Variants in TANGO6 observed in about 807,000 individuals in gnomAD.
TANGO6 encodes transport and Golgi organization protein 6 homolog.
TANGO6 carries 90 observed loss-of-function variants against 114.2 expected under a neutral mutation model. The ratio of observed to expected loss-of-function variants is 0.79; its 90% CI spans 0.66 to 0.94. The LOEUF is 0.94. TANGO6 is among the 40% of genes least tolerant of loss of function. TANGO6 has a pLI of 0.00. For missense variants in TANGO6, 1,274 were observed against 1,315.3 expected, an observed-to-expected ratio of 0.97 and a Z score of 0.49; for synonymous variants, 477 against 509.8, an observed-to-expected ratio of 0.94 and a Z score of 0.87.
intron 11 of TANGO6, among the ~76,000 whole-genome samples, chr16:68,910,493 T>G (rs1271392093): frequency 6.6e-6 from 1 of 152,176 alleles, no homozygotes; most frequent in African/African-American, 2.4e-5. Flanking sequence ...ACTTGAGCTT[T>G]TGCACTTAGC....
intron 15 of TANGO6, among the ~76,000 whole-genome samples, chr16:69,012,140 A>T (rs1287171971): frequency 6.6e-6 from 1 of 152,194 alleles, no homozygotes; most frequent in East Asian, 1.9e-4. Flanking sequence ...TGTCATTACC[A>T]TTGCACAAAG....
rs966454477 is a variant in TANGO6 at position 68,930,251 on chromosome 16, A to G, written c.2657A>G (p.Asn886Ser). The G allele has an allele frequency of 6.4e-7, 1 of 1,554,028 alleles. No homozygotes were observed. The highest frequency in any genetic ancestry group is 8.7e-7 in the Non-Finnish European group (1 of 1,147,724). Reference protein sequence around the residue: ...QEKLLKIFLENLEHEDTFVYL... With the variant: ...QEKLLKIFLESLEHEDTFVYL... ...TTGTGGTTCCAGATATTCTTGGAAA[A>G]CTTGGAACATGAAGACACTTTTGTA... The change falls in exon 14 of 18, where the codon AAC (asparagine) becomes AGC (serine). Residue 886 changes from asparagine to serine, a missense_variant. Asn to Ser is a conservative substitution (Grantham distance 46, BLOSUM62 1). This residue lies in a region of TANGO6 where 10 missense variants were observed against 29.9 expected (regional missense o/e 0.33). Transcript: ENST00000261778.
chr16:68,968,998 C>T (rs981416862), intron 14 of TANGO6, among the ~76,000 whole-genome samples: 2 of 152,136 alleles, frequency 1.3e-5, no homozygotes, highest in Non-Finnish European at 2.9e-5. Flanking sequence ...TACGTTAATT[C>T]ACCAATATTC....
chr16:69,078,126 C>T (rs1437585041), intron 17 of TANGO6, among the ~76,000 whole-genome samples: 1 of 152,052 alleles, frequency 6.6e-6, no homozygotes, highest in Non-Finnish European at 1.5e-5. Context: ...TAATAGCCTC[C>T]CAGGCTGAGG....
intron 14 of TANGO6, among the ~76,000 whole-genome samples, chr16:68,931,247 AT>A (rs914844060): frequency 1.8e-4 from 27 of 152,198 alleles, no homozygotes; most frequent in African/African-American, 6.3e-4. Flanking sequence ...GCGTTGGCAA[AT>A]TACTTAATCC....
chr16:69,050,443 G>A (rs1482211171), intron 17 of TANGO6, among the ~76,000 whole-genome samples: 1 of 151,776 alleles, frequency 6.6e-6, no homozygotes, highest in Non-Finnish European at 1.5e-5. Flanking sequence ...CTAGGCTCAA[G>A]CAATCCTTCC....
intron 16 of TANGO6, among the ~76,000 whole-genome samples, chr16:69,038,764 C>T (rs1304597247): frequency 3.9e-5 from 6 of 152,116 alleles, no homozygotes; most frequent in Non-Finnish European, 7.3e-5. Context: ...GAGCGCTGGC[C>T]AGGCACAGTA....
chr16:68,909,872 A>G (rs918802157), intron 11 of TANGO6, among the ~76,000 whole-genome samples: 19 of 152,162 alleles, frequency 1.2e-4, no homozygotes, highest in Middle Eastern at 3.2e-3. Flanking sequence ...CACTAATAAT[A>G]ATGAGATCAC....
At chr16:68,906,564 A>G (rs1241881390) in intron 9 of TANGO6, among the ~76,000 whole-genome samples, 1 of 149,636 alleles carries the variant, frequency 6.7e-6, no homozygotes, top group African/African-American at 2.4e-5. Flanking sequence ...TAATTCTCCA[A>G]CATCCATCTT....
chr16:69,059,802 T>C (rs1021204434), intron 17 of TANGO6, among the ~76,000 whole-genome samples: 2 of 152,214 alleles, frequency 1.3e-5, no homozygotes, highest in African/African-American at 2.4e-5. Flanking sequence ...AAGGGAACTA[T>C]AGCCAGAGAG....
intron 13 of TANGO6, among the ~76,000 whole-genome samples, chr16:68,929,383 A>G (rs1254685031): frequency 6.6e-6 from 1 of 152,024 alleles, no homozygotes; most frequent in Non-Finnish European, 1.5e-5. Flanking sequence ...CTTTATTTCC[A>G]TGGCCATTAC....
At chr16:68,929,592 C>T (rs1446675762) in intron 13 of TANGO6, among the ~76,000 whole-genome samples, 1 of 152,206 alleles carries the variant, frequency 6.6e-6, no homozygotes, top group Non-Finnish European at 1.5e-5. Context: ...GTCTTCCTTT[C>T]TCTGGCTCTC....
At chr16:68,974,846 T>TA (rs1181065868) in intron 15 of TANGO6, among the ~76,000 whole-genome samples, 4 of 151,900 alleles carry the variant, frequency 2.6e-5, no homozygotes, top group African/African-American at 4.8e-5. Context: ...AGGATCACTT[T>TA]AGGCCTGGCA....
intron 15 of TANGO6, among the ~76,000 whole-genome samples, chr16:68,989,192 A>C (rs1280864123): frequency 6.6e-6 from 1 of 152,080 alleles, no homozygotes; most frequent in Admixed American, 6.5e-5. Context: ...TTTTGGCTTA[A>C]TAGCTCTACT....
intron 16 of TANGO6, chr16:69,034,832 A>G (rs1009383463): frequency 1.3e-5 from 2 of 151,886 alleles, no homozygotes; most frequent in African/African-American, 4.8e-5. Flanking sequence ...TGTTGATGTC[A>G]AGAATTAACC....
intron 15 of TANGO6, among the ~76,000 whole-genome samples, chr16:68,980,427 ATATATATATTTTT>A (rs1398947881): frequency 1.8e-5 from 1 of 54,642 alleles, no homozygotes; most frequent in Non-Finnish European, 4.4e-5. Context: ...ATATATATAT[ATATATATATTTTT>A]TTTTTTTTTT....
intron 15 of TANGO6, among the ~76,000 whole-genome samples, chr16:69,003,994 C>T (rs1454141646): frequency 6.6e-6 from 1 of 151,574 alleles, no homozygotes; most frequent in Non-Finnish European, 1.5e-5. Flanking sequence ...CTTTAAATAA[C>T]ATCTGAATTG....
intron 7 of TANGO6, among the ~76,000 whole-genome samples, chr16:68,888,102 C>T (rs1488928797): frequency 6.6e-6 from 1 of 152,172 alleles, no homozygotes; most frequent in East Asian, 1.9e-4. Context: ...GAAAACCTAG[C>T]ATAGCCACGT....
Position 69,028,753 on chromosome 16 carries a change from G to C in TANGO6, c.2994+5774G>C, listed in dbSNP as rs1389405372. On this transcript the variant is annotated intron_variant, in intron 16 of 17. Transcript: ENST00000261778. ...TTATTTTTAGAGATGGGGTCTTGCTGTGTTGTCCAGGCTGGTCTCGAACTC... is the reference window on the plus strand; with the variant it reads ...TTATTTTTAGAGATGGGGTCTTGCTCTGTTGTCCAGGCTGGTCTCGAACTC... 2.0e-5 allele frequency among the ~76,000 whole-genome samples: 3 copies of C among 149,378 alleles called. No homozygotes were observed. In the East Asian group the frequency reaches 5.9e-4, roughly 29 times the overall value.
Sources: allele counts gnomAD v4.1 joint callset (sites outside exome capture counted in the v4.1 genomes callset), GRCh38; gene constraint gnomAD v4.1.1; regional missense constraint gnomAD v4.1.1; transcripts MANE v1.5; gene names NCBI Gene and HGNC (gene_info 2026-07-23, HGNC 2026-07-21).